Variants in SP100 observed in about 807,000 individuals in gnomAD.
SP100 encodes nuclear autoantigen Sp-100.
A neutral mutation model predicts 130.0 loss-of-function variants in SP100; 84 were observed. That is an observed-to-expected ratio of 0.65 (90% CI 0.54 to 0.77). SP100 has a LOEUF of 0.77. Ranked by LOEUF, SP100 falls within the 30% of genes least tolerant of loss-of-function variation. The pLI is 0.00. For synonymous variants in SP100, 331 were observed against 351.7 expected, an observed-to-expected ratio of 0.94 and a Z score of 0.66; for missense variants, 978 against 1,052.2, an observed-to-expected ratio of 0.93 and a Z score of 0.97.
intron 22 of SP100, 104 bp downstream of exon 22, chr2:230,506,549 C>T: frequency 8.4e-7 from 1 of 1,187,182 alleles, no homozygotes; most frequent in Non-Finnish European, 1.2e-6. Context: ...ATCATGACTT[C>T]CTCTGCCCAG....
intron 2 of SP100, among the ~76,000 whole-genome samples, chr2:230,428,315 C>T (rs1435215014): frequency 3.3e-5 from 5 of 152,182 alleles, no homozygotes; most frequent in Non-Finnish European, 5.9e-5. Context: ...CTCAGTTCCA[C>T]AGGCTGTACA....
At chr2:230,535,053 G>A (rs147423275) in intron 24 of SP100, among the ~76,000 whole-genome samples, 4,568 of 152,172 alleles carry the variant, frequency 0.03, 219 homozygotes, top group African/African-American at 0.1. Context: ...AAAATTAGCC[G>A]GGCATGGTGG....
At chr2:230,506,659 T>C in intron 22 of SP100, 1 of 460,038 alleles carries the variant, frequency 2.2e-6, no homozygotes, top group Non-Finnish European at 3.9e-6. Context: ...TCTTACCCTT[T>C]TGAAGGTTGG....
intron 1 of SP100, chr2:230,416,606 A>C: frequency 2.1e-6 from 1 of 474,346 alleles, no homozygotes; most frequent in Non-Finnish European, 3.1e-6. Flanking sequence ...TAAACATAGC[A>C]GTTGTTGGTG....
At position 230,422,692 on chromosome 2, in the gene SP100, T is replaced by C. The variant is rs115815126; in HGVS notation, c.107+5027T>C. Among the ~76,000 whole-genome samples, 561 of 152,340 alleles carry C rather than the reference T, an allele frequency of 3.7e-3. 1 individual carries two copies. The highest frequency in any genetic ancestry group is 0.017 in the Middle Eastern group (5 of 294). ...CTTTTCTGCCTCTAACTCTCTCTTA[T>C]AGGTGGTTTCATGGGATTTCAGAAG... On this transcript the variant is annotated intron_variant, in intron 2 of 28. Transcript: ENST00000340126.
chr2:230,486,469 T>C lies in SP100; in HGVS notation c.1601-7947T>C, dbSNP rs2066103065. On this transcript the variant is annotated intron_variant, in intron 17 of 28. Transcript: ENST00000340126. ...GGTCAGTTTGCTGAGGATGATTGCT[T>C]CCAGCTTCATCCATGTCCCTGCAAA... 1.3e-5 allele frequency among the ~76,000 whole-genome samples: 2 copies of C among 152,194 alleles called. 1 individual carries two copies. Among genetic ancestry groups the C allele is most frequent in the African/African-American group, 4.8e-5 (2 of 41,454 alleles).
intron 17 of SP100, among the ~76,000 whole-genome samples, chr2:230,474,952 G>T (rs763455137): frequency 6.6e-6 from 1 of 151,614 alleles, no homozygotes; most frequent in Non-Finnish European, 1.5e-5. Context: ...CAACTAGATT[G>T]GTTCCGTGTC....
intron 8 of SP100, among the ~76,000 whole-genome samples, chr2:230,452,291 C>T (rs2064028625): frequency 6.6e-6 from 1 of 151,984 alleles, no homozygotes; most frequent in Non-Finnish European, 1.5e-5. Context: ...AATTATCCTG[C>T]CTCAGCCTCC....
intron 9 of SP100, 78 bp downstream of exon 9, chr2:230,461,492 A>C: frequency 6.9e-7 from 1 of 1,449,500 alleles, no homozygotes; most frequent in Non-Finnish European, 9.6e-7. Flanking sequence ...ATCACGGACC[A>C]TCGGGGCAGT....
chr2:230,446,836 C>T lies in SP100; in HGVS notation c.457C>T (p.Pro153Ser), dbSNP rs752190558. ...GFENVIHDKL[P>S]LQESEEEERE... ...CTCTTCAGTAATCCATGACAAATTG[C>T]CTCTCCAAGAAAGTGAAGAAGAAGA... The change falls in exon 5 of 29, where the codon CCT becomes TCT. Residue 153 changes from proline to serine, a missense_variant. Transcript: ENST00000340126. 1.9e-6 allele frequency: 3 copies of T among 1,609,042 alleles called. No homozygotes were observed.
At chr2:230,537,666 A>C (rs894329492) in intron 24 of SP100, 1 of 152,276 alleles carries the variant, frequency 6.6e-6, no homozygotes, top group Non-Finnish European at 1.5e-5. Flanking sequence ...TGGGTTTTCA[A>C]CCTTGGCTGC....
At chr2:230,460,421 GAGAA>G (rs141175010) in intron 8 of SP100, among the ~76,000 whole-genome samples, 21,887 of 151,992 alleles carry the variant, frequency 0.14, 1,830 homozygotes, top group Admixed American at 0.2. Context: ...GAGGTAAAGG[GAGAA>G]AGAAAGAGTG....
chr2:230,505,858 G>A (rs1199562915), intron 21 of SP100, among the ~76,000 whole-genome samples: 3 of 152,194 alleles, frequency 2.0e-5, no homozygotes, highest in African/African-American at 7.2e-5. Flanking sequence ...AGATGTGGCT[G>A]TAGTAACAGC....
chr2:230,467,926 A>T (rs1484448094), intron 13 of SP100, among the ~76,000 whole-genome samples: 1 of 152,260 alleles, frequency 6.6e-6, no homozygotes, highest in African/African-American at 2.4e-5. Context: ...GCTTCTGGTC[A>T]TACTCTCTAG....
chr2:230,428,979 T>C (rs932893320), intron 2 of SP100, among the ~76,000 whole-genome samples: 12 of 152,238 alleles, frequency 7.9e-5, no homozygotes, highest in African/African-American at 2.9e-4. Flanking sequence ...TGAAAGTGAC[T>C]TATGCACAAT....
chr2:230,498,924 G>A (rs183221806), intron 19 of SP100, among the ~76,000 whole-genome samples: 2 of 152,314 alleles, frequency 1.3e-5, no homozygotes, highest in African/African-American at 4.8e-5. Flanking sequence ...TCTGCCCCAA[G>A]TAAATTACAG....
At chr2:230,513,718 A>T (rs1018110763) in intron 24 of SP100, among the ~76,000 whole-genome samples, 1 of 152,244 alleles carries the variant, frequency 6.6e-6, no homozygotes, top group Admixed American at 6.5e-5. Context: ...GCTACCTGCT[A>T]TTCTCCTGAA....
At chr2:230,453,943 TG>T in intron 8 of SP100, among the ~76,000 whole-genome samples, 1 of 152,140 alleles carries the variant, frequency 6.6e-6, no homozygotes. Context: ...GTTTGGTGGG[TG>T]GTATTTTATT....
rs1205676830 is a variant in SP100, at chr2:230,498,590, A to C, written c.1720+55A>C. ...ATAACGTCTAAATTCTCATGCTCTT[A>C]GTAAGAAACATTTTTTTCCTAAATG... On this transcript the variant is annotated intron_variant, in intron 19 of 28. Coordinates refer to ENST00000340126, the MANE Select transcript of SP100 (RefSeq NM_001080391.2). 5.0e-6 allele frequency: 5 copies of C among 993,638 alleles called. No individual in the cohort carries two copies. The Admixed American group carries it at 1.1e-4, about 22-fold the overall frequency. The allele number at this position is 993,638 out of a possible 1,614,324, so 61.6% of individuals were successfully genotyped here. A position where few individuals can be genotyped will look rare whatever the true frequency, so the allele number is the denominator to read the frequency against.
Sources: gnomAD v4.1 joint callset for allele counts (sites outside exome capture counted in the v4.1 genomes callset) on GRCh38, gnomAD v4.1.1 for gene constraint, MANE v1.5 for transcripts, NCBI Gene and HGNC (gene_info 2026-07-23, HGNC 2026-07-21) for gene names.